The following ITGBL1 variants were observed in gnomAD, a reference collection of about 807,000 sequenced individuals.
ITGBL1 encodes integrin subunit beta like 1, also known as integrin beta-like protein 1.
ITGBL1 carries 51 observed loss-of-function variants against 68.5 expected under a neutral mutation model. The observed-to-expected ratio is 0.74, with a 90% CI of 0.59 to 0.94. The LOEUF (loss-of-function observed/expected upper bound fraction) is 0.94. Among genes scored for constraint, ITGBL1 ranks in the 40% least tolerant of loss-of-function variants. ITGBL1 has a pLI of 0.00. For synonymous variants in ITGBL1, 209 were observed against 227.3 expected, an observed-to-expected ratio of 0.92 and a Z score of 0.72; for missense variants, 649 against 647.4, an observed-to-expected ratio of 1.00 and a Z score of -0.03.
intron 7 of ITGBL1, among the ~76,000 whole-genome samples, chr13:101,665,953 G>T (rs1268055972): frequency 6.6e-6 from 1 of 152,084 alleles, no homozygotes; most frequent in Non-Finnish European, 1.5e-5. Context: ...CTTTGTTATT[G>T]ATCCTTGTAG....
chr13:101,711,137 A>G (rs1190679653), intron 9 of ITGBL1: 2 of 152,222 alleles, frequency 1.3e-5, no homozygotes, highest in African/African-American at 2.4e-5. Flanking sequence ...AGTACATGAT[A>G]TAATTCATTG....
chr13:101,524,665 T>TTG (rs1028095048), intron 2 of ITGBL1, among the ~76,000 whole-genome samples: 1 of 151,480 alleles, frequency 6.6e-6, no homozygotes, highest in African/African-American at 2.4e-5. Flanking sequence ...TCTTTTTTTT[T>TTG]TTTTGCAAAT....
intron 7 of ITGBL1, among the ~76,000 whole-genome samples, chr13:101,688,653 A>G (rs192111999): frequency 6.6e-6 from 1 of 152,296 alleles, no homozygotes; most frequent in Non-Finnish European, 1.5e-5. Flanking sequence ...GTGGATTTTC[A>G]CAGAAGACCC....
Position 101,715,683 on chromosome 13 carries a change from A to T in ITGBL1, c.*29A>T, listed in dbSNP as rs1566805908. 2.0e-6 allele frequency: 3 copies of T among 1,464,502 alleles called. No homozygotes were observed. The highest frequency in any genetic ancestry group is 1.7e-5 in the Admixed American group (1 of 59,808). 90.7% of individuals were successfully genotyped at this position (1,464,502 alleles called of 1,614,324 possible). ...TTACATGAGAGAGGTCTGGATTCTT[A>T]TTTTTTCTGGGCCATTAGAACAGAT... is the stretch of plus-strand genomic sequence containing the variant. On this transcript the variant is annotated 3_prime_UTR_variant, in exon 11 of 11. Transcript: ENST00000376180.
intron 7 of ITGBL1, among the ~76,000 whole-genome samples, chr13:101,644,067 C>T (rs1262194245): frequency 6.6e-6 from 1 of 152,150 alleles, no homozygotes; most frequent in Non-Finnish European, 1.5e-5. Flanking sequence ...GCCGTGTCAC[C>T]TCGGGGCATA....
chr13:101,500,866 C>G lies in ITGBL1; in HGVS notation c.316+46766C>G, dbSNP rs573648349. 1.4e-4 allele frequency among the ~76,000 whole-genome samples: 21 copies of G among 152,270 alleles called. No homozygotes were observed. In the East Asian group the frequency reaches 2.5e-3, roughly 18 times the overall value. On this transcript the variant is annotated intron_variant, in intron 2 of 10. Transcript: ENST00000376180. ...TACTGCAACATCCAGTCTGAGGGTG[C>G]CTTTGAACCATTTCAGGACAAAAGC...
intron 3 of ITGBL1, among the ~76,000 whole-genome samples, chr13:101,569,862 G>A (rs958616068): frequency 2.0e-5 from 3 of 152,130 alleles, no homozygotes; most frequent in South Asian, 2.1e-4. Flanking sequence ...TGGTCAAGGT[G>A]TTGGCTGGTG....
At chr13:101,545,029 G>A (rs1432290991) in intron 2 of ITGBL1, among the ~76,000 whole-genome samples, 1 of 152,178 alleles carries the variant, frequency 6.6e-6, no homozygotes, top group Non-Finnish European at 1.5e-5. Context: ...CCCTGCTTCA[G>A]CTCACACTCG....
intron 2 of ITGBL1, among the ~76,000 whole-genome samples, chr13:101,519,417 G>A (rs2139129926): frequency 6.6e-6 from 1 of 152,108 alleles, no homozygotes; most frequent in Middle Eastern, 3.4e-3. Context: ...AGTCATATGT[G>A]GCTATTGGCT....
intron 2 of ITGBL1, among the ~76,000 whole-genome samples, chr13:101,475,918 T>C (rs542251844): frequency 8.9e-4 from 135 of 152,314 alleles, no homozygotes; most frequent in Non-Finnish European, 1.6e-3. Flanking sequence ...GCTTAGGATT[T>C]CATCAATATC....
chr13:101,508,338 A>T (rs2049058528), intron 2 of ITGBL1, among the ~76,000 whole-genome samples: 1 of 152,204 alleles, frequency 6.6e-6, no homozygotes, highest in South Asian at 2.1e-4. Context: ...TACTATAAAC[A>T]CTGCATGATG....
intron 2 of ITGBL1, among the ~76,000 whole-genome samples, chr13:101,563,687 A>G (rs1023315403): frequency 2.6e-5 from 4 of 151,904 alleles, no homozygotes; most frequent in East Asian, 1.9e-4. Context: ...CTAGGCTCCA[A>G]TGATTTTACT....
chr13:101,462,677 G>A (rs934340943), intron 2 of ITGBL1, among the ~76,000 whole-genome samples: 9 of 152,096 alleles, frequency 5.9e-5, no homozygotes, highest in African/African-American at 2.2e-4. Context: ...CCACCTCCCG[G>A]GGTCAAGTGA....
At chr13:101,570,927 T>C (rs1428686516) in intron 3 of ITGBL1, among the ~76,000 whole-genome samples, 1 of 152,172 alleles carries the variant, frequency 6.6e-6, no homozygotes, top group East Asian at 1.9e-4. Context: ...GCTCAGGGGT[T>C]CTTTAGGCCT....
chr13:101,471,532 ATGTGTGTGTGTGTGTGTGTGTGTGTGTG>A (rs150659546), intron 2 of ITGBL1, among the ~76,000 whole-genome samples: 1 of 110,448 alleles, frequency 9.1e-6, no homozygotes, highest in Admixed American at 8.3e-5. Flanking sequence ...GTGTGTATGT[ATGTGTGTGTGTGTGTGTGTGTGTGTGTG>A]TGTGTGTGTA....
In ITGBL1 at chr13:101,678,914, T is replaced by A. The variant is rs947188234; in HGVS notation, c.1016-13671T>A. Among the ~76,000 whole-genome samples the A allele has an allele frequency of 6.3e-4, 76 of 119,810 alleles. 2 individuals are homozygous for A. The highest frequency in any genetic ancestry group is 2.2e-3 in the South Asian group (5 of 2,260). 78.6% of individuals were successfully genotyped at this position (119,810 alleles called of 152,430 possible). On this transcript the variant is annotated intron_variant, in intron 7 of 10. Coordinates refer to ENST00000376180, the MANE Select transcript of ITGBL1 (RefSeq NM_004791.3). ...ACTCATCTTCAAGAAACACTTTTTTTAATTTTTTTTTTTATTTTTTTGAGT... is the reference window on the plus strand; with the variant it reads ...ACTCATCTTCAAGAAACACTTTTTTAAATTTTTTTTTTTATTTTTTTGAGT...
chr13:101,482,967 C>A (rs7323685), intron 2 of ITGBL1, among the ~76,000 whole-genome samples: 135,725 of 152,192 alleles, frequency 0.89, 60,809 homozygotes, highest in East Asian at 1. Flanking sequence ...CTGTGTATTA[C>A]CAAGTCCTCC....
At chr13:101,519,090 C>T (rs946901039) in intron 2 of ITGBL1, among the ~76,000 whole-genome samples, 2 of 151,992 alleles carry the variant, frequency 1.3e-5, no homozygotes, top group African/African-American at 4.8e-5. Context: ...GTCAGTGGTA[C>T]GCATTAAAAA....
intron 2 of ITGBL1, among the ~76,000 whole-genome samples, chr13:101,512,951 G>T (rs932758133): frequency 6.6e-6 from 1 of 152,062 alleles, no homozygotes; most frequent in Admixed American, 6.6e-5. Context: ...GTTTGTGCTG[G>T]TGAATCGTTT....
Sources: gnomAD v4.1 joint callset for allele counts (sites outside exome capture counted in the v4.1 genomes callset) on GRCh38, gnomAD v4.1.1 for gene constraint, MANE v1.5 for transcripts, NCBI Gene and HGNC (gene_info 2026-07-23, HGNC 2026-07-21) for gene names.